Variants in PDE4D observed in about 807,000 individuals in gnomAD.
PDE4D encodes phosphodiesterase 4D, also known as 3',5'-cyclic-AMP phosphodiesterase 4D.
PDE4D carries 24 observed loss-of-function variants against 87.4 expected under a neutral mutation model. The observed-to-expected ratio is 0.27, with a 90% confidence interval of 0.20 to 0.39. PDE4D has a LOEUF of 0.39. Among genes scored for constraint, PDE4D ranks in the 10% least tolerant of loss-of-function variants. The probability of loss-of-function intolerance (pLI) is 1.00; values close to 1 mark genes in which losing one functional copy is unlikely to be tolerated. For synonymous variants in PDE4D, 384 were observed against 383.2 expected (o/e 1.00, Z -0.02); for missense variants, 714 against 1,041.0 (o/e 0.69, Z 4.32).
At chr5:59,900,594 A>G (rs902951098) in intron 3 of PDE4D, among the ~76,000 whole-genome samples, 5 of 152,208 alleles carry the variant, frequency 3.3e-5, no homozygotes, top group African/African-American at 4.8e-5. Flanking sequence ...AGTAGATATT[A>G]CCAAATCCCT....
intron 1 of PDE4D, among the ~76,000 whole-genome samples, chr5:59,491,161 AT>A (rs1439717742): frequency 6.6e-6 from 1 of 152,212 alleles, no homozygotes; most frequent in African/African-American, 2.4e-5. Flanking sequence ...GTGATTTTAT[AT>A]TGCCCTGTGC....
intron 1 of PDE4D, among the ~76,000 whole-genome samples, chr5:60,353,955 A>G (rs1409663168): frequency 6.6e-6 from 1 of 152,188 alleles, no homozygotes; most frequent in Non-Finnish European, 1.5e-5. Flanking sequence ...CAGCTACTGC[A>G]TGAATGCTTA....
At chr5:59,768,790 C>T (rs1561632089) in intron 1 of PDE4D, 1 of 617,910 alleles carries the variant, frequency 1.6e-6, no homozygotes. Flanking sequence ...GCACCGCGCT[C>T]GCACGGCTTT....
chr5:59,162,370 C>T (rs1781230938), intron 5 of PDE4D, among the ~76,000 whole-genome samples: 1 of 151,858 alleles, frequency 6.6e-6, no homozygotes, highest in African/African-American at 2.4e-5. Flanking sequence ...TACCAGTTCA[C>T]AGACAGTTAT....
chr5:60,501,652 T>C (rs1057414876), intron 1 of PDE4D, among the ~76,000 whole-genome samples: 35 of 151,618 alleles, frequency 2.3e-4, no homozygotes, highest in African/African-American at 8.2e-4. Flanking sequence ...CCACATCCTC[T>C]CCAGCACCTG....
At chr5:59,743,284 T>A (rs1315508742) in intron 1 of PDE4D, among the ~76,000 whole-genome samples, 1 of 152,050 alleles carries the variant, frequency 6.6e-6, no homozygotes, top group Non-Finnish European at 1.5e-5. Flanking sequence ...AAACATGACA[T>A]AAAAGCACAC....
At chr5:59,308,525 T>A (rs990580196) in intron 1 of PDE4D, among the ~76,000 whole-genome samples, 5 of 151,976 alleles carry the variant, frequency 3.3e-5, no homozygotes, top group African/African-American at 1.2e-4. Context: ...TCTTGGCTGA[T>A]AATTGTTTTG....
chr5:60,353,566 T>G (rs967220851), intron 1 of PDE4D, among the ~76,000 whole-genome samples: 3 of 152,176 alleles, frequency 2.0e-5, no homozygotes, highest in Non-Finnish European at 2.9e-5. Context: ...TAAAGGATGC[T>G]TCACAAGGGT....
At chr5:59,997,849 T>C (rs1220633927) in intron 2 of PDE4D, among the ~76,000 whole-genome samples, 1 of 152,228 alleles carries the variant, frequency 6.6e-6, no homozygotes, top group Non-Finnish European at 1.5e-5. Context: ...TTATAAAAAC[T>C]GTACAAAAAA....
At chr5:59,119,896 G>A (rs1774207312) in intron 5 of PDE4D, among the ~76,000 whole-genome samples, 1 of 152,214 alleles carries the variant, frequency 6.6e-6, no homozygotes, top group Admixed American at 6.5e-5. Context: ...ATAGGCCAGT[G>A]TGCAGTGGTG....
chr5:59,668,827 A>AGAAGAAGAAGAAGAAGAGGAAGAG (rs1746576895), intron 1 of PDE4D, among the ~76,000 whole-genome samples: 1 of 76,946 alleles, frequency 1.3e-5, no homozygotes, highest in African/African-American at 5.8e-5. Flanking sequence ...AAGAAGAAGA[A>AGAAGAAGAAGAAGAAGAGGAAGAG]GAAGAGGAAG....
At chr5:60,171,792 T>C (rs1002575183) in intron 2 of PDE4D, among the ~76,000 whole-genome samples, 20 of 152,024 alleles carry the variant, frequency 1.3e-4, no homozygotes, top group Admixed American at 6.6e-5. Context: ...CTGAATAATG[T>C]ATTCCATACT....
intron 2 of PDE4D, among the ~76,000 whole-genome samples, chr5:60,121,101 G>A (rs1030570207): frequency 9.2e-5 from 14 of 152,002 alleles, no homozygotes; most frequent in East Asian, 1.9e-4. Context: ...TTTGGGACTC[G>A]GAATGGCTCT....
rs147439884 is a variant in PDE4D at position 59,183,210 on chromosome 5, T to C, written c.758+1979A>G. 2.4e-3 allele frequency among the ~76,000 whole-genome samples: 366 copies of C among 152,282 alleles called. 1 individual carries two copies. The highest frequency in any genetic ancestry group is 8.3e-3 in the African/African-American group (346 of 41,560). On this transcript the variant is annotated intron_variant, in intron 4 of 14. Coordinates refer to ENST00000340635, the MANE Select transcript of PDE4D (RefSeq NM_001104631.2). Reference sequence around the variant, plus strand: ...TTTGAATCAGTAATGGAGGCACAAATTTGCATTGACCAAAAGGAAGACCAC... The same window carrying C: ...TTTGAATCAGTAATGGAGGCACAAACTTGCATTGACCAAAAGGAAGACCAC...
Position 59,025,892 on chromosome 5 carries a change from T to C in PDE4D, c.921+12967A>G, listed in dbSNP as rs370419745. Among the ~76,000 whole-genome samples the C allele has an allele frequency of 2.9e-4, 44 of 152,352 alleles. No individual in the cohort carries two copies. The East Asian group carries it at 3.1e-3, about 11-fold the overall frequency. ...TGACAGGCCAAGGTGTTTCCTATTA[T>C]GGTGCCTATGGCTGCACAGTGCACT... On this transcript the variant is annotated intron_variant, in intron 6 of 14. Coordinates refer to ENST00000340635, the MANE Select transcript of PDE4D (RefSeq NM_001104631.2).
intron 1 of PDE4D, among the ~76,000 whole-genome samples, chr5:60,344,290 C>T (rs1383889547): frequency 1.3e-5 from 2 of 152,188 alleles, no homozygotes; most frequent in Middle Eastern, 3.4e-3. Context: ...CTGTGAGTTT[C>T]GCTTTGCTAA....
intron 3 of PDE4D, among the ~76,000 whole-genome samples, chr5:59,971,063 T>C (rs1295577838): frequency 6.6e-6 from 1 of 151,934 alleles, no homozygotes; most frequent in African/African-American, 2.4e-5. Flanking sequence ...TGTAGGGACA[T>C]GGATGAAATT....
intron 1 of PDE4D, among the ~76,000 whole-genome samples, chr5:59,673,846 C>T (rs1747627679): frequency 1.3e-5 from 2 of 151,960 alleles, no homozygotes; most frequent in South Asian, 4.2e-4. Flanking sequence ...TGACATTGTC[C>T]CTCTCTTGGG....
intron 3 of PDE4D, among the ~76,000 whole-genome samples, chr5:59,946,258 A>G (rs1703372767): frequency 6.6e-6 from 1 of 152,240 alleles, no homozygotes; most frequent in African/African-American, 2.4e-5. Context: ...CTCAAGTCAC[A>G]GATAATGATA....
Sources: allele counts gnomAD v4.1 joint callset (sites outside exome capture counted in the v4.1 genomes callset), GRCh38; gene constraint gnomAD v4.1.1; transcripts MANE v1.5; gene names NCBI Gene and HGNC (gene_info 2026-07-23, HGNC 2026-07-21).